AGBL1: variants seen among roughly 807,000 people sequenced by gnomAD.
The protein encoded by AGBL1 is cytosolic carboxypeptidase 4.
AGBL1 carries 130 observed loss-of-function variants against 118.9 expected under a neutral mutation model. The observed-to-expected ratio is 1.09, with a 90% CI of 0.95 to 1.26. AGBL1 has a LOEUF of 1.26. AGBL1 is among the 50% of genes most tolerant of loss of function. The pLI is 0.00. For missense variants in AGBL1, 1,584 were observed against 1,298.1 expected (o/e 1.22, Z -3.38); for synonymous variants, 555 against 478.9 (o/e 1.16, Z -2.08).
At chr15:86,833,488 T>C (rs938124825) in intron 22 of AGBL1, among the ~76,000 whole-genome samples, 4 of 152,130 alleles carry the variant, frequency 2.6e-5, no homozygotes, top group African/African-American at 4.8e-5. Context: ...CACTCTTCTC[T>C]TGTTGCTGCC....
rs528002442 is a variant in AGBL1, at chr15:86,669,462, A to G, written c.2995-4811A>G. Reference sequence around the variant, plus strand: ...GAAAACATAACATACGTTGAATATTATCTTTGATTTCCTTGACAGAGGTAA... The same window carrying G: ...GAAAACATAACATACGTTGAATATTGTCTTTGATTTCCTTGACAGAGGTAA... On this transcript the variant is annotated intron_variant, in intron 21 of 22. Transcript: ENST00000614907. Among the ~76,000 whole-genome samples the G allele has an allele frequency of 7.9e-5, 12 of 152,354 alleles. No homozygotes were observed. The East Asian group carries it at 2.1e-3, about 27-fold the overall frequency.
intron 1 of AGBL1, among the ~76,000 whole-genome samples, chr15:86,109,151 C>T (rs1161979476): frequency 6.6e-6 from 1 of 152,144 alleles, no homozygotes; most frequent in Non-Finnish European, 1.5e-5. Context: ...GGTAGGTACT[C>T]ATTAAATATT....
chr15:86,698,200 G>A (rs1596380135), intron 22 of AGBL1, among the ~76,000 whole-genome samples: 1 of 151,992 alleles, frequency 6.6e-6, no homozygotes, highest in East Asian at 1.9e-4. Context: ...AGGCAAGGGA[G>A]ATTGGTTAAA....
chr15:86,468,966 T>C (rs1384038529), intron 18 of AGBL1, among the ~76,000 whole-genome samples: 1 of 152,170 alleles, frequency 6.6e-6, no homozygotes, highest in East Asian at 1.9e-4. Flanking sequence ...ATACAAATTG[T>C]ATGTATTTAT....
At chr15:87,028,787 C>G in intron 24 of AGBL1, 1 of 1,591,558 alleles carries the variant, frequency 6.3e-7, no homozygotes, top group Non-Finnish European at 8.6e-7. Flanking sequence ...TACACGGCTT[C>G]AAGCATAGTA....
chr15:86,614,568 C>T (rs2084697470), intron 21 of AGBL1, among the ~76,000 whole-genome samples: 1 of 152,078 alleles, frequency 6.6e-6, no homozygotes, highest in South Asian at 2.1e-4. Context: ...GTAGTGTTTG[C>T]CAATCCCTCT....
chr15:86,795,618 C>T (rs1256643042), intron 22 of AGBL1, among the ~76,000 whole-genome samples: 1 of 149,152 alleles, frequency 6.7e-6, no homozygotes, highest in Non-Finnish European at 1.5e-5. Flanking sequence ...GAATTTCACT[C>T]TTGTCACCCA....
At chr15:86,506,737 G>A (rs1432703480) in intron 18 of AGBL1, among the ~76,000 whole-genome samples, 3 of 152,038 alleles carry the variant, frequency 2.0e-5, no homozygotes, top group Non-Finnish European at 2.9e-5. Context: ...CCAATCTGGA[G>A]CCTTAGAGGG....
chr15:86,515,363 G>C (rs1451636878), intron 18 of AGBL1, among the ~76,000 whole-genome samples: 2 of 152,072 alleles, frequency 1.3e-5, no homozygotes, highest in African/African-American at 4.8e-5. Flanking sequence ...AGGAATGTGT[G>C]CATGTGTGCC....
At chr15:86,779,230 G>A (rs1406702037) in intron 22 of AGBL1, among the ~76,000 whole-genome samples, 1 of 152,190 alleles carries the variant, frequency 6.6e-6, no homozygotes, top group Non-Finnish European at 1.5e-5. Context: ...TGAGGACACA[G>A]GGAGAAGGCA....
intron 18 of AGBL1, among the ~76,000 whole-genome samples, chr15:86,399,191 G>T (rs2141993819): frequency 6.6e-6 from 1 of 152,224 alleles, no homozygotes; most frequent in East Asian, 1.9e-4. Context: ...AGGCCCCAAA[G>T]CAGTGTTCGC....
intron 22 of AGBL1, among the ~76,000 whole-genome samples, chr15:86,858,053 T>G (rs1404280180): frequency 6.6e-6 from 1 of 152,178 alleles, no homozygotes; most frequent in Non-Finnish European, 1.5e-5. Context: ...CGTAACACCT[T>G]ATATCCACTA....
rs869108108 is a variant in AGBL1 at position 86,191,348 on chromosome 15, CAA to C, written c.488+32343_488+32344del. Among the ~76,000 whole-genome samples the C allele has an allele frequency of 1.9e-3, 126 of 65,098 alleles. 1 individual carries two copies. The Middle Eastern group carries it at 0.037, about 19-fold the overall frequency. The allele number at this position is 65,098 out of a possible 152,430, so 42.7% of individuals were successfully genotyped here. ...GGGCGACAGGAGCAAAACTTTGTCTCAAAAAAAAAAAAAAAAAAAAAAGAGAG... is the reference window on the plus strand; with the variant it reads ...GGGCGACAGGAGCAAAACTTTGTCTCAAAAAAAAAAAAAAAAAAAAGAGAG... On this transcript the variant is annotated intron_variant, in intron 5 of 22. Coordinates refer to ENST00000614907, the MANE Select transcript of AGBL1 (RefSeq NM_001386094.1).
At chr15:86,288,293 C>G (rs901401690) in intron 16 of AGBL1, among the ~76,000 whole-genome samples, 8 of 152,136 alleles carry the variant, frequency 5.3e-5, no homozygotes, top group Non-Finnish European at 1.0e-4. Flanking sequence ...AACTAAGGAG[C>G]TGGAATTTTC....
intron 1 of AGBL1, among the ~76,000 whole-genome samples, chr15:86,127,111 G>A (rs1314122737): frequency 6.6e-6 from 1 of 152,138 alleles, no homozygotes; most frequent in African/African-American, 2.4e-5. Flanking sequence ...CTTCAAACAA[G>A]GGGGAAAACT....
intron 22 of AGBL1, among the ~76,000 whole-genome samples, chr15:86,731,175 T>C (rs543534893): frequency 4.9e-4 from 75 of 152,272 alleles, no homozygotes; most frequent in African/African-American, 1.7e-3. Flanking sequence ...AAGACATGAA[T>C]TATGTCCAAA....
chr15:86,417,726 G>C (rs1450157755), intron 18 of AGBL1, among the ~76,000 whole-genome samples: 1 of 152,136 alleles, frequency 6.6e-6, no homozygotes, highest in Non-Finnish European at 1.5e-5. Context: ...GTAGAAGCAG[G>C]GAGGTGTCAG....
downstream of AGBL1, among the ~76,000 whole-genome samples, chr15:87,029,591 T>C (rs1443411735): frequency 2.0e-5 from 3 of 152,056 alleles, no homozygotes; most frequent in Admixed American, 2.0e-4. Flanking sequence ...CTACAAACCC[T>C]ATGAGATGAC....
chr15:87,017,583 C>T (rs78048822), intron 24 of AGBL1, among the ~76,000 whole-genome samples: 9,832 of 152,128 alleles, frequency 0.065, 507 homozygotes, highest in East Asian at 0.28. Flanking sequence ...GTAAAACAGA[C>T]AAACAGAAAA....
Sources: gnomAD v4.1 joint callset for allele counts (sites outside exome capture counted in the v4.1 genomes callset) on GRCh38, gnomAD v4.1.1 for gene constraint, MANE v1.5 for transcripts, NCBI Gene and HGNC (gene_info 2026-07-23, HGNC 2026-07-21) for gene names.